OPALIN: variants seen among roughly 807,000 people sequenced by gnomAD.
OPALIN encodes the protein oligodendrocytic myelin paranodal and inner loop protein.
In OPALIN, 15 loss-of-function variants were observed where a neutral mutation model predicts 17.8. The observed-to-expected ratio is 0.84, with a 90% CI of 0.56 to 1.29. The LOEUF is 1.29. OPALIN is among the 50% of genes most tolerant of loss of function. The pLI is 0.00. For synonymous variants in OPALIN, 62 were observed against 63.8 expected, an observed-to-expected ratio of 0.97 and a Z score of 0.14; for missense variants, 170 against 176.0, an observed-to-expected ratio of 0.97 and a Z score of 0.19.
At position 96,346,002 on chromosome 10, in the gene OPALIN, G is replaced by A. The variant is rs1038895277; in HGVS notation, c.365C>T (p.Thr122Ile). ...EEPVHDRYRP[T>I]IEMERRRGLW... ...TCCCCTCCTTCTTTCCATTTCTATA[G>A]TAGGACGGTAACGGTCATGCACAGG... Residue 122 changes from threonine to isoleucine, a missense_variant, in exon 6 of 6, where the codon ACT (threonine) becomes ATT (isoleucine). Physicochemically the swap from Thr to Ile is moderately conservative, Grantham distance 89. Transcript: ENST00000371172. 1.9e-6 allele frequency: 3 copies of A among 1,614,026 alleles called. No homozygotes were observed. The highest frequency in any genetic ancestry group is 2.5e-6 in the Non-Finnish European group (3 of 1,180,018).
intron 1 of OPALIN, among the ~76,000 whole-genome samples, chr10:96,355,491 T>A (rs544516736): frequency 1.3e-5 from 2 of 152,042 alleles, no homozygotes; most frequent in African/African-American, 2.4e-5. Flanking sequence ...TCCCTCAGCA[T>A]CAAGTCAGTC....
rs753116162 is a variant in OPALIN at position 96,345,957 on chromosome 10, C to G, written c.410G>C (p.Arg137Thr). 1.2e-6 allele frequency: 2 copies of G among 1,614,082 alleles called. No homozygotes were observed. Among genetic ancestry groups the G allele is most frequent in the Non-Finnish European group, 1.7e-6 (2 of 1,179,966 alleles). The change falls in exon 6 of 6, where the codon AGA (arginine) becomes ACA (threonine). Residue 137 changes from arginine (R) to threonine (T), a missense_variant. Coordinates refer to ENST00000371172, the MANE Select transcript of OPALIN (RefSeq NM_033207.5). ...TGAGCTGCATCATTCCAGGCTCAGT[C>G]TGGGCACAAGCCACCACAATCCCCT... Reference protein sequence around the residue: ...RRRGLWWLVPRLSLE With the variant: ...RRRGLWWLVPTLSLE
chr10:96,352,982 A>G (rs1845650162), intron 2 of OPALIN, among the ~76,000 whole-genome samples: 1 of 152,192 alleles, frequency 6.6e-6, no homozygotes, highest in South Asian at 2.1e-4. Context: ...CTGTTCAAGA[A>G]TTTTTCCCAT....
chr10:96,345,775 TG>T lies in OPALIN; in HGVS notation c.*165del, dbSNP rs1845286301. 1 of 611,278 alleles carries T rather than the reference TG, an allele frequency of 1.6e-6. No homozygotes were observed. The highest frequency in any genetic ancestry group is 2.8e-5 in the East Asian group (1 of 35,996). The allele number at this position is 611,278 out of a possible 1,614,324, so 37.9% of individuals were successfully genotyped here. Reference sequence around the variant, plus strand: ...ATCTGAGAGTTGGAATTAACCATGTTGGGGATGTCCCCTAAAGAGACAAATC... The same window carrying T: ...ATCTGAGAGTTGGAATTAACCATGTTGGGATGTCCCCTAAAGAGACAAATC... On this transcript the variant is annotated 3_prime_UTR_variant, in exon 6 of 6. Coordinates refer to ENST00000371172, the MANE Select transcript of OPALIN (RefSeq NM_033207.5).
chr10:96,356,995 C>T (rs566524892), intron 1 of OPALIN: 2 of 985,428 alleles, frequency 2.0e-6, no homozygotes, highest in East Asian at 1.1e-4. Flanking sequence ...ATCAGAGCAC[C>T]CAGGCTGACA....
At position 96,345,921 on chromosome 10, in the gene OPALIN, TGC is replaced by T; in HGVS notation, c.*18_*19del. Reference sequence around the variant, plus strand: ...AACCCTGTTCCAGTGCCAGGTCTGCTGCTCCTTGACTGAGCTGCATCATTCCA... The same window carrying T: ...AACCCTGTTCCAGTGCCAGGTCTGCTTCCTTGACTGAGCTGCATCATTCCA... On this transcript the variant is annotated 3_prime_UTR_variant, in exon 6 of 6. Transcript: ENST00000371172. 1 of 1,611,362 alleles carries T rather than the reference TGC, an allele frequency of 6.2e-7. No individual in the cohort carries two copies. Among genetic ancestry groups the T allele is most frequent in the South Asian group, 1.1e-5 (1 of 90,666 alleles).
Position 96,349,696 on chromosome 10 carries a change from C to G in OPALIN, c.192+11G>C. 2 of 1,611,420 alleles carry G rather than the reference C, an allele frequency of 1.2e-6. No individual in the cohort carries two copies. Among genetic ancestry groups the G allele is most frequent in the Non-Finnish European group, 1.7e-6 (2 of 1,179,062 alleles). On this transcript the variant is annotated intron_variant, in intron 4 of 5. Transcript: ENST00000371172. ...GCCTATACATCTGGACCCAAAGAAG[C>G]TAGTAATCACCTCCATGGCCTCAAT... is the stretch of plus-strand genomic sequence containing the variant.
intron 1 of OPALIN, among the ~76,000 whole-genome samples, chr10:96,355,510 G>A (rs950731173): frequency 6.6e-6 from 1 of 152,010 alleles, no homozygotes; most frequent in Admixed American, 6.6e-5. Flanking sequence ...TCTTGCCACC[G>A]CCCCCAACCA....
rs1845244860 is a variant in OPALIN at position 96,344,818 on chromosome 10, A to C, written c.*1123T>G. ...GCCATCAGAGGTATCATAATGTCTT[A>C]CTTTAAAAATTAAGCAAAATGTTTC... On this transcript the variant is annotated 3_prime_UTR_variant, in exon 6 of 6. Transcript: ENST00000371172. The C allele has an allele frequency of 6.6e-6, 1 of 152,242 alleles. No individual in the cohort carries two copies. The highest frequency in any genetic ancestry group is 2.4e-5 in the African/African-American group (1 of 41,468). The allele number at this position is 152,242 out of a possible 1,614,324, so 9.4% of individuals were successfully genotyped here. A position where few individuals can be genotyped will look rare whatever the true frequency, so the allele number is the denominator to read the frequency against.
At position 96,346,024 on chromosome 10, in the gene OPALIN, C is replaced by G; in HGVS notation, c.343G>C (p.Val115Leu). The change falls in exon 6 of 6, where the codon GTG (valine) becomes CTG (leucine). Residue 115 changes from valine (V) to leucine (L), a missense_variant. By Grantham distance (32) the Val-to-Leu change is conservative (BLOSUM62 1). Coordinates refer to ENST00000371172, the MANE Select transcript of OPALIN (RefSeq NM_033207.5). ...ATAGTAGGACGGTAACGGTCATGCA[C>G]AGGTTCCTCGCTTCCTGCTACAGTC... ...VKTVAGSEEP[V>L]HDRYRPTIEM... The G allele has an allele frequency of 1.2e-6, 2 of 1,614,190 alleles. No homozygotes were observed. Among genetic ancestry groups the G allele is most frequent in the Non-Finnish European group, 1.7e-6 (2 of 1,180,002 alleles).
At chr10:96,349,155 G>T (rs118003411) in intron 4 of OPALIN, among the ~76,000 whole-genome samples, 1 of 152,168 alleles carries the variant, frequency 6.6e-6, no homozygotes, top group Non-Finnish European at 1.5e-5. Flanking sequence ...ACATGACACA[G>T]TTGTGTCACA....
intron 1 of OPALIN, 139 bp downstream of exon 1, chr10:96,358,755 A>G: frequency 1.1e-6 from 1 of 942,108 alleles, no homozygotes; most frequent in Non-Finnish European, 1.7e-6. Context: ...AGAAGTTTAA[A>G]AAATTATTGG....
At chr10:96,357,553 C>G (rs1417017159) in intron 1 of OPALIN, among the ~76,000 whole-genome samples, 1 of 152,154 alleles carries the variant, frequency 6.6e-6, no homozygotes, top group African/African-American at 2.4e-5. Context: ...ACCCTCTGGT[C>G]TCCATTTTCT....
At chr10:96,356,809 C>T (rs113348381) in intron 1 of OPALIN, 3 of 869,348 alleles carry the variant, frequency 3.5e-6, no homozygotes, top group South Asian at 5.3e-5. Context: ...ACTTCTCCCC[C>T]TCTTGGCAAT....
intron 1 of OPALIN, among the ~76,000 whole-genome samples, chr10:96,355,514 C>T (rs1279429573): frequency 6.6e-6 from 1 of 152,162 alleles, no homozygotes; most frequent in Non-Finnish European, 1.5e-5. Context: ...GCCACCGCCC[C>T]CAACCAGGTC....
intron 5 of OPALIN, among the ~76,000 whole-genome samples, chr10:96,346,541 A>C (rs1029990767): frequency 1.3e-5 from 2 of 152,204 alleles, no homozygotes; most frequent in Non-Finnish European, 2.9e-5. Flanking sequence ...ATTTACATTT[A>C]ATGTGATCAT....
At position 96,346,089 on chromosome 10, in the gene OPALIN, T is replaced by C. The variant is rs772772269; in HGVS notation, c.278A>G (p.Lys93Arg). 8.7e-6 allele frequency: 14 copies of C among 1,613,986 alleles called. No individual in the cohort carries two copies. The highest frequency in any genetic ancestry group is 1.1e-5 in the Non-Finnish European group (13 of 1,179,970). Reference protein sequence around the residue: ...ENPRRSPTHEKNTMGAQEAHI... With the variant: ...ENPRRSPTHERNTMGAQEAHI... ...GGCCTCTTGTGCTCCCATCGTATTC[T>C]TCTCATGTGTGGGTGATCTCCTAGG... The change falls in exon 6 of 6, where the codon AAG (lysine) becomes AGG (arginine). Residue 93 changes from lysine to arginine, a missense_variant. Coordinates refer to ENST00000371172, the MANE Select transcript of OPALIN (RefSeq NM_033207.5).
At position 96,343,907 on chromosome 10, in the gene OPALIN, G is replaced by A. The variant is rs1373883161; in HGVS notation, c.*2034C>T. The A allele has an allele frequency of 6.6e-6, 1 of 152,252 alleles. No homozygotes were observed. The highest frequency in any genetic ancestry group is 2.4e-5 in the African/African-American group (1 of 41,454). The allele number at this position is 152,252 out of a possible 1,614,324, so 9.4% of individuals were successfully genotyped here. The stretch of plus-strand genomic sequence containing the variant: ...TCATGGAGCTGCTGGATGAACTTAA[G>A]ATGCCCTGGACCCAGGCCTTCCCAC... On this transcript the variant is annotated 3_prime_UTR_variant, in exon 6 of 6. Coordinates refer to ENST00000371172, the MANE Select transcript of OPALIN (RefSeq NM_033207.5).
At chr10:96,355,344 CCTCACTTCCTCAAA>C in intron 1 of OPALIN, 54 bp from the exon 2 acceptor site, 1 of 1,529,822 alleles carries the variant, frequency 6.5e-7, no homozygotes. Context: ...CAAGCTCCTT[CCTCACTTCCTCAAA>C]CTCACTGACC....
Sources: allele counts gnomAD v4.1 joint callset (sites outside exome capture counted in the v4.1 genomes callset), GRCh38; gene constraint gnomAD v4.1.1; transcripts MANE v1.5; gene names NCBI Gene and HGNC (gene_info 2026-07-23, HGNC 2026-07-21).